The following USH2A variants were observed in gnomAD, a reference collection of about 807,000 sequenced individuals.
USH2A encodes Usher syndrome 2A (autosomal recessive, mild).
Under a neutral mutation model 538.9 loss-of-function variants are expected in USH2A, and 443 were observed. The observed-to-expected ratio is 0.82, with a 90% CI of 0.76 to 0.89. USH2A has a LOEUF of 0.89. Among genes scored for constraint, USH2A ranks in the 40% least tolerant of loss-of-function variants. USH2A has a pLI of 0.00. For missense variants in USH2A, 6,633 were observed against 6,324.8 expected (o/e 1.05, Z -1.65); for synonymous variants, 2,413 against 2,273.5 (o/e 1.06, Z -1.75).
chr1:216,112,379 A>C (rs563386915), intron 21 of USH2A, among the ~76,000 whole-genome samples: 1 of 152,188 alleles, frequency 6.6e-6, no homozygotes, highest in Non-Finnish European at 1.5e-5. Context: ...GAGGAAAAAA[A>C]CAAGAATAAT....
intron 15 of USH2A, among the ~76,000 whole-genome samples, chr1:216,208,472 C>T (rs145111546): frequency 6.6e-6 from 1 of 152,146 alleles, no homozygotes; most frequent in East Asian, 1.9e-4. Context: ...GAAATATCTA[C>T]AGTCACTAGA....
At chr1:215,750,469 C>A (rs187687522) in intron 58 of USH2A, among the ~76,000 whole-genome samples, 9 of 152,242 alleles carry the variant, frequency 5.9e-5, no homozygotes, top group African/African-American at 2.2e-4. Flanking sequence ...CTAGAGGAAT[C>A]AATATACCCA....
At chr1:216,048,844 A>G (rs1162104517) in intron 30 of USH2A, among the ~76,000 whole-genome samples, 197 bp from the exon 31 acceptor site, 1 of 152,200 alleles carries the variant, frequency 6.6e-6, no homozygotes, top group African/African-American at 2.4e-5. Flanking sequence ...GACTCATGAG[A>G]AAAAATTGTG....
At chr1:215,889,715 TCTAA>T (rs1485874715) in intron 40 of USH2A, among the ~76,000 whole-genome samples, 1 of 152,144 alleles carries the variant, frequency 6.6e-6, no homozygotes, top group Non-Finnish European at 1.5e-5. Context: ...CACTCAGCAC[TCTAA>T]CTGATTCAAT....
intron 32 of USH2A, among the ~76,000 whole-genome samples, chr1:216,039,731 G>A (rs953662332): frequency 1.1e-4 from 17 of 151,946 alleles, no homozygotes; most frequent in African/African-American, 3.9e-4. Context: ...TCCTTATAAC[G>A]CTCGGATAGA....
rs1664837546 is a variant in USH2A at position 215,878,850 on chromosome 1, A to G, written c.8472T>C (p.Val2824=). ...TTAGTGGAATCACAGACAATGGGCC[A>G]ACATTCTGAGGTACGGTGGGGTGAG... ...VTTHPTVPQN[V]GPLSVIPLSE... Residue 2824 remains valine (V), a synonymous_variant, in exon 42 of 72, where the codon GTT becomes GTC. Coordinates refer to ENST00000307340, the MANE Select transcript of USH2A (RefSeq NM_206933.4). The G allele has an allele frequency of 6.2e-7, 1 of 1,614,090 alleles. No homozygotes were observed. Among genetic ancestry groups the G allele is most frequent in the East Asian group, 2.2e-5 (1 of 44,852 alleles).
rs548198066 is a variant in USH2A, at chr1:216,160,601, G to A, written c.4627+14651C>T. On this transcript the variant is annotated intron_variant, in intron 21 of 71. Transcript: ENST00000307340. ...AGCCTGAGCAACACAGTAAGACCTC[G>A]TCTCTTAAAAAAAAAAATTATGCGA... Among the ~76,000 whole-genome samples, 604 of 93,988 alleles carry A rather than the reference G, an allele frequency of 6.4e-3. 1 individual carries two copies. The highest frequency in any genetic ancestry group is 0.015 in the African/African-American group (529 of 34,440). The allele number at this position is 93,988 out of a possible 152,430, so 61.7% of individuals were successfully genotyped here.
chr1:215,792,681 C>A (rs1662013326), intron 50 of USH2A, among the ~76,000 whole-genome samples: 1 of 152,202 alleles, frequency 6.6e-6, no homozygotes, highest in South Asian at 2.1e-4. Flanking sequence ...CATAGTGCAT[C>A]ACTTCAGCAT....
At chr1:216,091,949 T>C (rs1371486441) in intron 22 of USH2A, among the ~76,000 whole-genome samples, 1 of 152,132 alleles carries the variant, frequency 6.6e-6, no homozygotes, top group East Asian at 1.9e-4. Context: ...CCTAGCACTT[T>C]GAGAGGCCAA....
chr1:215,840,658 C>T (rs1014740445), intron 46 of USH2A, among the ~76,000 whole-genome samples: 46 of 152,150 alleles, frequency 3.0e-4, no homozygotes, highest in Admixed American at 2.8e-3. Context: ...AACGTTAACT[C>T]TTGATCCAGA....
intron 15 of USH2A, among the ~76,000 whole-genome samples, chr1:216,209,812 G>A (rs1481097739): frequency 6.6e-6 from 1 of 152,170 alleles, no homozygotes; most frequent in African/African-American, 2.4e-5. Context: ...TACAGGTGAA[G>A]GACAGTCTTT....
chr1:215,647,562 A>AC lies in USH2A; in HGVS notation c.14750dup (p.Ser4917ArgfsTer37). 1 of 1,614,174 alleles carries AC rather than the reference A, an allele frequency of 6.2e-7. No individual in the cohort carries two copies. Among genetic ancestry groups the AC allele is most frequent in the Non-Finnish European group, 8.5e-7 (1 of 1,180,020 alleles). On this transcript the variant is annotated frameshift_variant, in exon 67 of 72. Coordinates refer to ENST00000307340, the MANE Select transcript of USH2A (RefSeq NM_206933.4). LOFTEE classifies it high-confidence loss of function. Reference sequence around the variant, plus strand: ...TGAAACTGATCCACTCGGAAGCCGTACTGCCCACCTCGTTGTGTGCCACCA... The same window carrying AC: ...TGAAACTGATCCACTCGGAAGCCGTACCTGCCCACCTCGTTGTGTGCCACCA...
In USH2A at chr1:215,912,487, ATATG is replaced by A. The variant is rs1199471777; in HGVS notation, c.7301-11586_7301-11583del. Among the ~76,000 whole-genome samples, 26 of 28,116 alleles carry A rather than the reference ATATG, an allele frequency of 9.2e-4. 1 individual carries two copies. The East Asian group carries it at 0.011, about 11-fold the overall frequency. The allele number at this position is 28,116 out of a possible 152,430, so 18.4% of individuals were successfully genotyped here. On this transcript the variant is annotated intron_variant, in intron 38 of 71. Coordinates refer to ENST00000307340, the MANE Select transcript of USH2A (RefSeq NM_206933.4). ...TATATATATATATACGTATATATAT[ATATG>A]TGTATATATATATATATATACGTGT...
At chr1:216,157,166 C>T (rs1261078233) in intron 21 of USH2A, among the ~76,000 whole-genome samples, 1 of 152,116 alleles carries the variant, frequency 6.6e-6, no homozygotes, top group Non-Finnish European at 1.5e-5. Context: ...CCACCGCGCC[C>T]AGCCAAACAT....
intron 69 of USH2A, among the ~76,000 whole-genome samples, chr1:215,638,083 TA>T (rs745960735): frequency 3.9e-5 from 6 of 152,196 alleles, no homozygotes; most frequent in Non-Finnish European, 8.8e-5. Flanking sequence ...TTATGGAGAA[TA>T]AAAGACACTT....
chr1:216,289,685 A>C (rs2036963740), intron 10 of USH2A, among the ~76,000 whole-genome samples: 1 of 152,286 alleles, frequency 6.6e-6, no homozygotes, highest in Middle Eastern at 3.4e-3. Flanking sequence ...ACATTTGGAA[A>C]GAGTTTGCTC....
chr1:216,022,320 G>C (rs1054888763), intron 32 of USH2A, among the ~76,000 whole-genome samples: 1 of 152,146 alleles, frequency 6.6e-6, no homozygotes, highest in African/African-American at 2.4e-5. Context: ...GTGGGGGACA[G>C]TCATGGAAAG....
chr1:216,241,532 C>T (rs1431741030), intron 13 of USH2A, among the ~76,000 whole-genome samples: 1 of 150,560 alleles, frequency 6.6e-6, no homozygotes, highest in Non-Finnish European at 1.5e-5. Context: ...ATATATTTGT[C>T]TTTTTGTTTT....
At chr1:215,662,024 A>C (rs569760738) in intron 64 of USH2A, among the ~76,000 whole-genome samples, 1 of 152,204 alleles carries the variant, frequency 6.6e-6, no homozygotes, top group Non-Finnish European at 1.5e-5. Flanking sequence ...GGGAGAGTGC[A>C]TGGATTTTAG....
Sources: allele counts gnomAD v4.1 joint callset (sites outside exome capture counted in the v4.1 genomes callset), GRCh38; gene constraint gnomAD v4.1.1; transcripts MANE v1.5; gene names NCBI Gene and HGNC (gene_info 2026-07-23, HGNC 2026-07-21).